The following NLGN4X variants were observed in gnomAD, a reference collection of about 807,000 sequenced individuals.
NLGN4X encodes neuroligin-4, X-linked.
A neutral mutation model predicts 40.3 loss-of-function variants in NLGN4X; 3 were observed. That is an observed-to-expected ratio of 0.07 (90% CI 0.03 to 0.19). NLGN4X has a LOEUF of 0.19. NLGN4X is among the 10% of genes least tolerant of loss of function. The pLI is 1.00. For missense variants in NLGN4X, 382 were observed against 708.3 expected, an observed-to-expected ratio of 0.54 and a Z score of 5.23; for synonymous variants, 270 against 306.8, an observed-to-expected ratio of 0.88 and a Z score of 1.25.
intron 3 of NLGN4X, among the ~76,000 whole-genome samples, chrX:5,923,870 T>A (rs2146829552): frequency 8.9e-6 from 1 of 111,735 alleles, no homozygotes; most frequent in African/African-American, 3.3e-5. Context: ...ATGTCTGTAT[T>A]TAATGACCAA....
At chrX:6,123,037 C>T in intron 2 of NLGN4X, among the ~76,000 whole-genome samples, 1 of 106,856 alleles carries the variant, frequency 9.4e-6, no homozygotes, top group Middle Eastern at 4.7e-3. Flanking sequence ...AGAAAGAGAA[C>T]AAAGAGAAAA....
intron 5 of NLGN4X, among the ~76,000 whole-genome samples, chrX:5,900,989 A>C (rs1329662504): frequency 8.9e-6 from 1 of 111,930 alleles, no homozygotes; most frequent in Admixed American, 9.4e-5. Context: ...TCACACAAAA[A>C]AGAACCGTTG....
chrX:6,131,514 C>T (rs896285974), intron 2 of NLGN4X, among the ~76,000 whole-genome samples: 4 of 112,417 alleles, frequency 3.6e-5, no homozygotes, highest in Non-Finnish European at 5.6e-5. Flanking sequence ...TAGATGTCTG[C>T]TTAGGCTGAA....
intron 2 of NLGN4X, among the ~76,000 whole-genome samples, chrX:6,132,747 A>T (rs753282642): frequency 8.1e-5 from 9 of 111,132 alleles, no homozygotes; most frequent in Non-Finnish European, 1.5e-4. Context: ...TCCTTTATTC[A>T]TCCTTGCCCC....
At chrX:6,110,308 T>C (rs745359113) in intron 2 of NLGN4X, among the ~76,000 whole-genome samples, 171 of 111,034 alleles carry the variant, frequency 1.5e-3, no homozygotes, top group African/African-American at 5.1e-3. Context: ...GCTCTGCTGT[T>C]CCCTCTCTGC....
chrX:6,024,455 T>A (rs758128124), intron 3 of NLGN4X, among the ~76,000 whole-genome samples: 1 of 110,620 alleles, frequency 9.0e-6, no homozygotes, highest in Middle Eastern at 4.6e-3. Flanking sequence ...AAGGGCTGGG[T>A]AACGTAAGGC....
At chrX:5,930,410 C>G (rs1439734392) in intron 3 of NLGN4X, among the ~76,000 whole-genome samples, 1 of 111,882 alleles carries the variant, frequency 8.9e-6, no homozygotes. Context: ...TCCTCACACC[C>G]TCCCCTAAAG....
At position 5,903,175 on chromosome X, in the gene NLGN4X, C is replaced by A; in HGVS notation, c.1503G>T (p.Met501Ile). Residue 501 changes from methionine (M) to isoleucine (I), a missense_variant, in exon 5 of 6, where the codon ATG becomes ATT. Around this residue, in one of 5 missense-constraint regions of NLGN4X, gnomAD observed 149 missense variants for 375.8 expected, o/e 0.40. Transcript: ENST00000381095. Reference protein sequence around the residue: ...DEVPYVFGIPMIGPTELFSCN... With the variant: ...DEVPYVFGIPIIGPTELFSCN... ...AACTGAAGAGCTCGGTGGGACCGAT[C>A]ATGGGGATGCCGAAGACATAGGGGA... The A allele has an allele frequency of 1.7e-6, 2 of 1,211,869 alleles. No individual in the cohort carries two copies. Among genetic ancestry groups the A allele is most frequent in the Non-Finnish European group, 2.2e-6 (2 of 895,558 alleles).
intron 2 of NLGN4X, among the ~76,000 whole-genome samples, chrX:6,129,103 A>G (rs989934928): frequency 1.8e-5 from 2 of 112,092 alleles, no homozygotes; most frequent in African/African-American, 6.5e-5. Flanking sequence ...GACTTTTAAG[A>G]GATGGAAGAG....
At chrX:5,980,023 T>C (rs1016661314) in intron 3 of NLGN4X, among the ~76,000 whole-genome samples, 2 of 107,027 alleles carry the variant, frequency 1.9e-5, no homozygotes, top group Admixed American at 2.1e-4. Flanking sequence ...ATTCTGTAAT[T>C]TTTAGTAATA....
intron 3 of NLGN4X, among the ~76,000 whole-genome samples, chrX:5,961,591 C>T (rs1482748310): frequency 9.0e-6 from 1 of 111,581 alleles, no homozygotes; most frequent in African/African-American, 3.3e-5. Context: ...ATATTAGGTT[C>T]CATGACATTT....
At chrX:5,941,630 G>A (rs1209581050) in intron 3 of NLGN4X, among the ~76,000 whole-genome samples, 1 of 111,953 alleles carries the variant, frequency 8.9e-6, no homozygotes, top group African/African-American at 3.2e-5. Flanking sequence ...TGATGTGATC[G>A]CAAACTGATT....
At chrX:6,012,669 A>C (rs186600026) in intron 3 of NLGN4X, among the ~76,000 whole-genome samples, 31 of 111,687 alleles carry the variant, frequency 2.8e-4, no homozygotes, top group African/African-American at 1.0e-3. Context: ...ATTATCCTGA[A>C]TTGAGGGTAT....
chrX:6,092,213 C>T (rs946777999), intron 2 of NLGN4X, among the ~76,000 whole-genome samples: 2 of 111,758 alleles, frequency 1.8e-5, no homozygotes, highest in Non-Finnish European at 3.8e-5. Context: ...TTAAGCTTTC[C>T]CACATAAAGC....
intron 2 of NLGN4X, among the ~76,000 whole-genome samples, chrX:6,043,159 A>AT (rs60430182): frequency 1.0e-5 from 1 of 97,244 alleles, no homozygotes; most frequent in African/African-American, 3.9e-5. Context: ...ACACACACAC[A>AT]AACACACGTA....
intron 1 of NLGN4X, among the ~76,000 whole-genome samples, chrX:6,181,222 A>C (rs1311344658): frequency 9.0e-6 from 1 of 111,292 alleles, no homozygotes; most frequent in East Asian, 2.8e-4. Flanking sequence ...GGTACAAAGA[A>C]CCCTCAAGTG....
chrX:6,216,233 G>A (rs190876729), intron 1 of NLGN4X, among the ~76,000 whole-genome samples: 24 of 111,941 alleles, frequency 2.1e-4, no homozygotes, highest in African/African-American at 7.5e-4. Flanking sequence ...TCAGATGAGA[G>A]CTGGGATGGG....
rs1056039447 is a variant in NLGN4X, at chrX:5,894,797, T to G, written c.1602-1131A>C. Among the ~76,000 whole-genome samples, 16 of 112,088 alleles carry G rather than the reference T, an allele frequency of 1.4e-4. No homozygotes were observed. In the East Asian group the frequency reaches 2.8e-3, roughly 20 times the overall value. On this transcript the variant is annotated intron_variant, in intron 5 of 5. Transcript: ENST00000381095. Reference sequence around the variant, plus strand: ...TAAAGTAAGCTAAAAAACAATTACGTCTTAAGGTTTATTTGTTATAAAAAC... The same window carrying G: ...TAAAGTAAGCTAAAAAACAATTACGGCTTAAGGTTTATTTGTTATAAAAAC...
chrX:5,893,431 C>G lies in NLGN4X; in HGVS notation c.1837G>C (p.Val613Leu), dbSNP rs201556012. 8.3e-7 allele frequency: 1 copy of G among 1,207,090 alleles called. No individual in the cohort carries two copies. Among genetic ancestry groups the G allele is most frequent in the Admixed American group, 2.2e-5 (1 of 45,585 alleles). ...AATGATGTCATGTCTGGTGGAGGAA[C>G]CTTTGTGGTTGTTGAAACATACTGG... ...IFQYVSTTTK[V>L]PPPDMTSFPY... Residue 613 changes from valine (V) to leucine (L), a missense_variant, in exon 6 of 6, where the codon GTT becomes CTT. Coordinates refer to ENST00000381095, the MANE Select transcript of NLGN4X (RefSeq NM_181332.3).
Sources: gnomAD v4.1 joint callset for allele counts (sites outside exome capture counted in the v4.1 genomes callset) on GRCh38, gnomAD v4.1.1 for gene constraint, gnomAD v4.1.1 regional missense constraint, MANE v1.5 for transcripts, NCBI Gene and HGNC (gene_info 2026-07-23, HGNC 2026-07-21) for gene names.